The following MYH14 variants were observed in gnomAD, a reference collection of about 807,000 sequenced individuals.
The protein encoded by MYH14 is myosin heavy chain 14, also known as myosin-14.
In MYH14, 123 loss-of-function variants were observed where a neutral mutation model predicts 255.5. The observed-to-expected ratio is 0.48, with a 90% CI of 0.42 to 0.56. The LOEUF is 0.56. Among genes scored for constraint, MYH14 ranks in the 20% least tolerant of loss-of-function variants. The pLI is 0.00. For missense variants in MYH14, 2,423 were observed against 2,802.3 expected (o/e 0.86, Z 3.06); for synonymous variants, 1,095 against 1,161.2 (o/e 0.94, Z 1.16).
chr19:50,210,813 G>GGGAA lies in MYH14; in HGVS notation c.405+43_405+44insGGAA, dbSNP rs1309356201. The GGGAA allele has an allele frequency of 3.3e-6, 5 of 1,526,830 alleles. No individual in the cohort carries two copies. In the African/African-American group the frequency reaches 4.2e-5, roughly 13 times the overall value. The allele number at this position is 1,526,830 out of a possible 1,614,324, so 94.6% of individuals were successfully genotyped here. A position where few individuals can be genotyped will look rare whatever the true frequency, so the allele number is the denominator to read the frequency against. On this transcript the variant is annotated intron_variant, in intron 2 of 42. Transcript: ENST00000642316. ...GGGGGGCGCGTGCGGCGGAGTTGCT[G>GGGAA]CCGGTTGGGGAACCAGGTCCACCAC...
intron 10 of MYH14, among the ~76,000 whole-genome samples, chr19:50,233,851 C>T (rs1242506282): frequency 4.4e-5 from 4 of 90,866 alleles, no homozygotes; most frequent in Non-Finnish European, 6.0e-5. Flanking sequence ...TTTTTTGAGA[C>T]GGAGTCTTGC....
At position 50,309,341 on chromosome 19, in the gene MYH14, T is replaced by A. The variant is rs564482578; in HGVS notation, c.5960+164T>A. On this transcript the variant is annotated intron_variant, in intron 42 of 42. Transcript: ENST00000642316. ...GTGTTGCGGGAGAGCCAAATCCAGG[T>A]AACTTCTTTCTTCCCACACCCATTT... 25 of 700,692 alleles carry A rather than the reference T, an allele frequency of 3.6e-5. No homozygotes were observed. The African/African-American group carries it at 3.9e-4, about 11-fold the overall frequency. 43.4% of individuals were successfully genotyped at this position (700,692 alleles called of 1,614,324 possible).
At chr19:50,299,570 CAAAAAAAAAAA>C (rs4002409) in intron 39 of MYH14, among the ~76,000 whole-genome samples, 14 of 57,650 alleles carry the variant, frequency 2.4e-4, no homozygotes, top group Middle Eastern at 0.023. Context: ...GACTCCATCT[CAAAAAAAAAAA>C]AAAAAAAAAA....
rs1479217461 is a variant in MYH14, at chr19:50,309,848, C to T, written c.*58C>T. The T allele has an allele frequency of 2.6e-6, 4 of 1,520,790 alleles. No homozygotes were observed. Among genetic ancestry groups the T allele is most frequent in the Admixed American group, 2.0e-5 (1 of 50,424 alleles). The allele number at this position is 1,520,790 out of a possible 1,614,324, so 94.2% of individuals were successfully genotyped here. ...GGGCCCAGCCCCCTTCCTCCCTGGA[C>T]CCCACGGGCCCCTGTCCCAGGAACC... On this transcript the variant is annotated 3_prime_UTR_variant, in exon 43 of 43. Coordinates refer to ENST00000642316, the MANE Select transcript of MYH14 (RefSeq NM_001145809.2).
chr19:50,294,641 A>T (rs1176036042), intron 39 of MYH14, among the ~76,000 whole-genome samples: 2 of 151,358 alleles, frequency 1.3e-5, no homozygotes, highest in Non-Finnish European at 2.9e-5. Context: ...AGGAGGGAGG[A>T]TCGCTTCAGC....
intron 33 of MYH14, among the ~76,000 whole-genome samples, chr19:50,282,930 C>T (rs2035774146): frequency 6.6e-6 from 1 of 151,934 alleles, no homozygotes; most frequent in Admixed American, 6.6e-5. Context: ...AACATTTCAG[C>T]CATTATTTCT....
chr19:50,295,680 A>G (rs2036242184), intron 39 of MYH14, among the ~76,000 whole-genome samples: 1 of 151,728 alleles, frequency 6.6e-6, no homozygotes, highest in South Asian at 2.1e-4. Context: ...AGTCCCAGCT[A>G]CCCAGGAGGC....
At chr19:50,272,152 T>A in intron 26 of MYH14, among the ~76,000 whole-genome samples, 180 bp downstream of exon 26, 1 of 152,194 alleles carries the variant, frequency 6.6e-6, no homozygotes, top group East Asian at 1.9e-4. Context: ...AATCCAACTC[T>A]CTTTCTCTCC....
intron 40 of MYH14, among the ~76,000 whole-genome samples, chr19:50,306,728 T>C (rs1231007072): frequency 1.3e-5 from 2 of 152,128 alleles, no homozygotes; most frequent in East Asian, 1.9e-4. Flanking sequence ...GGAAAATGAA[T>C]GGGCCCAAAG....
chr19:50,306,608 A>G (rs528177556), intron 40 of MYH14, among the ~76,000 whole-genome samples: 47 of 152,360 alleles, frequency 3.1e-4, no homozygotes, highest in Middle Eastern at 6.8e-3. Context: ...CATGCAAAAT[A>G]TAAGACTTTT....
chr19:50,285,187 C>G (rs544349230), intron 33 of MYH14: 1 of 152,294 alleles, frequency 6.6e-6, no homozygotes, highest in South Asian at 2.1e-4. Context: ...TAAGCCACTG[C>G]ACCAGCCTTT....
rs965030033 is a variant in MYH14, at chr19:50,258,733, A to AAAC, written c.2233-409_2233-408insCAA. ...CAAGACTCTGTCTCAAAAAAAAAAAAAAAAAAAAAAACGAACAAACAAACA... is the reference window on the plus strand; with the variant it reads ...CAAGACTCTGTCTCAAAAAAAAAAAAAACAAAAAAAAAAACGAACAAACAAACA... On this transcript the variant is annotated intron_variant, in intron 18 of 42. Coordinates refer to ENST00000642316, the MANE Select transcript of MYH14 (RefSeq NM_001145809.2). 9 of 46,556 alleles carry AAAC rather than the reference A, an allele frequency of 1.9e-4. No homozygotes were observed. The East Asian group carries it at 4.0e-3, about 21-fold the overall frequency. 2.9% of individuals were successfully genotyped at this position (46,556 alleles called of 1,614,324 possible). A position where few individuals can be genotyped will look rare whatever the true frequency, so the allele number is the denominator to read the frequency against.
intron 3 of MYH14, 131 bp downstream of exon 3, chr19:50,217,902 C>G: frequency 9.1e-7 from 1 of 1,098,966 alleles, no homozygotes; most frequent in Non-Finnish European, 1.3e-6. Context: ...TCTTAGGGGG[C>G]TGGAGGGAGC....
intron 1 of MYH14, among the ~76,000 whole-genome samples, chr19:50,205,973 T>C (rs1287283269): frequency 6.6e-6 from 1 of 152,146 alleles, no homozygotes; most frequent in Non-Finnish European, 1.5e-5. Flanking sequence ...AGCCCAGCAG[T>C]CTCGGCCCCT....
intron 17 of MYH14, 67 bp downstream of exon 17, chr19:50,255,385 G>C: frequency 7.9e-7 from 1 of 1,273,386 alleles, no homozygotes; most frequent in Non-Finnish European, 1.1e-6. Flanking sequence ...TTGGGCTGGG[G>C]ACCTGGTTTT....
At chr19:50,273,596 TGGG>T (rs373027155) in intron 27 of MYH14, among the ~76,000 whole-genome samples, 2 of 91,474 alleles carry the variant, frequency 2.2e-5, no homozygotes, top group Admixed American at 9.6e-5. Flanking sequence ...TGATGGAACA[TGGG>T]GGGTGTGTGT....
At chr19:50,274,239 C>T (rs1240505041) in intron 27 of MYH14, among the ~76,000 whole-genome samples, 1 of 152,118 alleles carries the variant, frequency 6.6e-6, no homozygotes, top group African/African-American at 2.4e-5. Context: ...ATGTACAATT[C>T]AGTAGATTTT....
intron 39 of MYH14, among the ~76,000 whole-genome samples, chr19:50,297,491 CTTTTTTTTTT>C (rs869049808): frequency 1.3e-5 from 1 of 74,324 alleles, no homozygotes; most frequent in East Asian, 5.5e-4. Flanking sequence ...CTCATCTCCT[CTTTTTTTTTT>C]TTTTTTTTTT....
intron 42 of MYH14, 124 bp downstream of exon 42, chr19:50,309,301 G>A (rs1160067990): frequency 5.1e-6 from 5 of 981,568 alleles, no homozygotes; most frequent in East Asian, 2.4e-5. Context: ...GTGTGGGGCT[G>A]TGGGAGCAGC....
Sources: gnomAD v4.1 joint callset for allele counts (sites outside exome capture counted in the v4.1 genomes callset) on GRCh38, gnomAD v4.1.1 for gene constraint, MANE v1.5 for transcripts, NCBI Gene and HGNC (gene_info 2026-07-23, HGNC 2026-07-21) for gene names.